SLC25A24: variants seen among roughly 807,000 people sequenced by gnomAD.
SLC25A24 encodes the protein solute carrier family 25 member 24.
A neutral mutation model predicts 60.7 loss-of-function variants in SLC25A24; 49 were observed. The observed-to-expected ratio is 0.81, with a 90% CI of 0.64 to 1.02. The LOEUF (loss-of-function observed/expected upper bound fraction) is 1.02. Among genes scored for constraint, SLC25A24 ranks in the 50% least tolerant of loss-of-function variants. The probability of loss-of-function intolerance (pLI) is 0.00; values close to 1 mark genes in which losing one functional copy is unlikely to be tolerated. For synonymous variants in SLC25A24, 202 were observed against 200.6 expected (o/e 1.01, Z -0.06); for missense variants, 564 against 586.3 (o/e 0.96, Z 0.39).
intron 7 of SLC25A24, among the ~76,000 whole-genome samples, chr1:108,147,061 G>A (rs1339017309): frequency 1.3e-5 from 2 of 152,046 alleles, no homozygotes; most frequent in Non-Finnish European, 2.9e-5. Flanking sequence ...TTTTTGGTTG[G>A]TAGGCTATTA....
chr1:108,161,123 G>T, intron 4 of SLC25A24, 59 bp downstream of exon 4: 1 of 932,080 alleles, frequency 1.1e-6, no homozygotes, highest in Non-Finnish European at 1.7e-6. Flanking sequence ...GTTCTTGGGT[G>T]ATAACTGTAC....
chr1:108,164,605 G>A (rs1419232472), intron 3 of SLC25A24, among the ~76,000 whole-genome samples: 1 of 149,398 alleles, frequency 6.7e-6, no homozygotes, highest in Non-Finnish European at 1.5e-5. Flanking sequence ...ATTCTCTGAT[G>A]GTAGTTTGTA....
chr1:108,144,206 T>C (rs965349073), intron 7 of SLC25A24, among the ~76,000 whole-genome samples: 3 of 152,178 alleles, frequency 2.0e-5, no homozygotes, highest in Non-Finnish European at 4.4e-5. Context: ...TGTATTAGCA[T>C]GCATACCACA....
chr1:108,144,345 A>G (rs1679526528), intron 7 of SLC25A24, among the ~76,000 whole-genome samples: 1 of 152,146 alleles, frequency 6.6e-6, no homozygotes, highest in Non-Finnish European at 1.5e-5. Flanking sequence ...TTTTCCTGTA[A>G]AGACTAAATA....
In SLC25A24 at chr1:108,200,232, G is replaced by T; in HGVS notation, c.-94C>A. The stretch of plus-strand genomic sequence containing the variant: ...GACCAGCGCGAGGCCGGGCTGGGCG[G>T]GGCGCGCGGCGCAACAGCGTTTGGG... On this transcript the variant is annotated 5_prime_UTR_variant, in exon 1 of 10. Coordinates refer to ENST00000565488, the MANE Select transcript of SLC25A24 (RefSeq NM_013386.5). 1 of 1,274,290 alleles carries T rather than the reference G, an allele frequency of 7.8e-7. No individual in the cohort carries two copies. The highest frequency in any genetic ancestry group is 1.7e-5 in the South Asian group (1 of 57,596). 78.9% of individuals were successfully genotyped at this position (1,274,290 alleles called of 1,614,324 possible). A position where few individuals can be genotyped will look rare whatever the true frequency, so the allele number is the denominator to read the frequency against.
rs756120780 is a variant in SLC25A24 at position 108,155,059 on chromosome 1, G to A, written c.746C>T (p.Ser249Leu). Residue 249 changes from serine (S) to leucine (L), a missense_variant, in exon 6 of 10, where the codon TCG (serine) becomes TTG (leucine). By Grantham distance (145) the Ser-to-Leu change is moderately radical (BLOSUM62 -2). Transcript: ENST00000565488. ...RQMVKEGGIRSLWRGNGTNVI... is the reference protein window; with the variant it reads ...RQMVKEGGIRLLWRGNGTNVI... ...GTTTGTACCATTTCCCCTCCAAAGC[G>A]AGCGGATACCTCCTTCTTTTACCAT... The A allele has an allele frequency of 8.1e-6, 13 of 1,612,540 alleles. No individual in the cohort carries two copies. Among genetic ancestry groups the A allele is most frequent in the Non-Finnish European group, 1.0e-5 (12 of 1,179,148 alleles).
At chr1:108,171,909 C>G (rs1339049250) in intron 3 of SLC25A24, among the ~76,000 whole-genome samples, 1 of 152,128 alleles carries the variant, frequency 6.6e-6, no homozygotes, top group Non-Finnish European at 1.5e-5. Context: ...AGTTTCAACC[C>G]AGGCATTCTA....
At chr1:108,193,143 G>C (rs896935902) in intron 1 of SLC25A24, among the ~76,000 whole-genome samples, 5 of 139,922 alleles carry the variant, frequency 3.6e-5, no homozygotes, top group African/African-American at 1.2e-4. Flanking sequence ...ACCTGTCTAG[G>C]AATCCTTCTT....
chr1:108,183,564 C>G (rs547595), intron 2 of SLC25A24, among the ~76,000 whole-genome samples: 109,626 of 152,012 alleles, frequency 0.72, 40,210 homozygotes, highest in African/African-American at 0.86. Context: ...TCTGTTTGAA[C>G]GCACCTCATT....
intron 6 of SLC25A24, among the ~76,000 whole-genome samples, chr1:108,150,928 C>T (rs531953640): frequency 6.7e-4 from 102 of 152,058 alleles, no homozygotes; most frequent in African/African-American, 2.2e-3. Context: ...AGGCCAGGCA[C>T]GGTGGCTCAC....
chr1:108,160,238 G>A (rs886366823), intron 4 of SLC25A24, among the ~76,000 whole-genome samples: 5 of 151,488 alleles, frequency 3.3e-5, no homozygotes, highest in East Asian at 2.0e-4. Flanking sequence ...CATCCCAGAC[G>A]GGGCGGCGGG....
Position 108,135,408 on chromosome 1 carries a change from GATA to G in SLC25A24, c.*1242_*1244del, listed in dbSNP as rs1367085378. 2 of 152,378 alleles carry G rather than the reference GATA, an allele frequency of 1.3e-5. No individual in the cohort carries two copies. Among genetic ancestry groups the G allele is most frequent in the Admixed American group, 6.6e-5 (1 of 15,264 alleles). The allele number at this position is 152,378 out of a possible 1,614,324, so 9.4% of individuals were successfully genotyped here. A position where few individuals can be genotyped will look rare whatever the true frequency, so the allele number is the denominator to read the frequency against. ...GAGTTTAAGAACTAAATTAAAAACT[GATA>G]ATAACTTCAACTAGTAAATATTTTT... On this transcript the variant is annotated 3_prime_UTR_variant, in exon 10 of 10. Transcript: ENST00000565488.
At chr1:108,179,059 CA>C (rs1406548215) in intron 3 of SLC25A24, among the ~76,000 whole-genome samples, 1 of 134,850 alleles carries the variant, frequency 7.4e-6, no homozygotes, top group Non-Finnish European at 1.6e-5. Flanking sequence ...CAAAAAACCT[CA>C]AATAAACAAC....
rs1321804873 is a variant in SLC25A24 at position 108,136,637 on chromosome 1, A to G, written c.*16T>C. ...TTGAAAGTTTCAATTATCAGGCTAA[A>G]GCAAAAAATGCAACATCATTTCTGG... On this transcript the variant is annotated 3_prime_UTR_variant, in exon 10 of 10. Coordinates refer to ENST00000565488, the MANE Select transcript of SLC25A24 (RefSeq NM_013386.5). The G allele has an allele frequency of 6.2e-7, 1 of 1,606,730 alleles. No homozygotes were observed. The highest frequency in any genetic ancestry group is 8.5e-7 in the Non-Finnish European group (1 of 1,174,860).
At position 108,185,937 on chromosome 1, in the gene SLC25A24, T is replaced by G; in HGVS notation, c.201A>C (p.Gly67=). The G allele has an allele frequency of 6.3e-7, 1 of 1,587,048 alleles. No individual in the cohort carries two copies. Among genetic ancestry groups the G allele is most frequent in the Non-Finnish European group, 8.6e-7 (1 of 1,166,084 alleles). ...CCAGCTTCCCATCTTTGTTGACATCTCCAGTAGTAAAAATTTTCTATAAAA... is the reference window on the plus strand; with the variant it reads ...CCAGCTTCCCATCTTTGTTGACATCGCCAGTAGTAAAAATTTTCTATAAAA... ...QDAEEKIFTT[G]DVNKDGKLDF... The change falls in exon 2 of 10, where the codon GGA becomes GGC. Residue 67 remains glycine, a synonymous_variant. Transcript: ENST00000565488.
rs575914102 is a variant in SLC25A24 at position 108,143,451 on chromosome 1, G to C, written c.1098+92C>G. On this transcript the variant is annotated intron_variant, in intron 8 of 9. Coordinates refer to ENST00000565488, the MANE Select transcript of SLC25A24 (RefSeq NM_013386.5). Reference sequence around the variant, plus strand: ...TTGAATTTACTTCTGGTCACACACTGTTTTCTGGTATATATCTACTTCTTC... The same window carrying C: ...TTGAATTTACTTCTGGTCACACACTCTTTTCTGGTATATATCTACTTCTTC... 3.7e-6 allele frequency: 4 copies of C among 1,091,900 alleles called. No homozygotes were observed. The East Asian group carries it at 9.9e-5, about 27-fold the overall frequency. The allele number at this position is 1,091,900 out of a possible 1,614,324, so 67.6% of individuals were successfully genotyped here.
intron 4 of SLC25A24, among the ~76,000 whole-genome samples, chr1:108,158,986 G>A (rs1298227523): frequency 6.6e-6 from 1 of 152,112 alleles, no homozygotes; most frequent in Non-Finnish European, 1.5e-5. Flanking sequence ...CTGGGCAACA[G>A]AGCAAGACTC....
intron 7 of SLC25A24, among the ~76,000 whole-genome samples, chr1:108,144,231 G>A (rs1455050252): frequency 6.6e-6 from 1 of 152,044 alleles, no homozygotes; most frequent in Non-Finnish European, 1.5e-5. Context: ...GGTGAAAATT[G>A]TATTTATCTT....
intron 3 of SLC25A24, among the ~76,000 whole-genome samples, chr1:108,178,397 T>C (rs1379050522): frequency 1.3e-5 from 2 of 152,206 alleles, no homozygotes; most frequent in Non-Finnish European, 2.9e-5. Flanking sequence ...AGAATACACA[T>C]TCTTCTCAAC....
Sources: allele counts gnomAD v4.1 joint callset (sites outside exome capture counted in the v4.1 genomes callset), GRCh38; gene constraint gnomAD v4.1.1; transcripts MANE v1.5; gene names NCBI Gene and HGNC (gene_info 2026-07-23, HGNC 2026-07-21).